Variants in NUDT1 observed in about 807,000 individuals in gnomAD.
The protein encoded by NUDT1 is oxidized purine nucleoside triphosphate hydrolase.
Under a neutral mutation model 11.3 loss-of-function variants are expected in NUDT1, and 16 were observed. The observed-to-expected ratio is 1.41, with a 90% confidence interval of 0.96 to 2.15. NUDT1 has a LOEUF of 2.15. NUDT1 is among the 30% of genes most tolerant of loss of function. The probability of loss-of-function intolerance (pLI) is 0.00; values close to 1 mark genes in which losing one functional copy is unlikely to be tolerated. For missense variants in NUDT1, 234 were observed against 208.4 expected (o/e 1.12, Z -0.76); for synonymous variants, 101 against 84.4 (o/e 1.20, Z -1.08).
In NUDT1 at chr7:2,250,773, T is replaced by C. The variant is rs1687030815; in HGVS notation, c.299-56T>C. On this transcript the variant is annotated intron_variant, in intron 3 of 3. Transcript: ENST00000356714. ...GCGCCCGGCCAAAAAAAACATGTTT[T>C]TTAAGCATGAAGTTTGGGTTGCACC... 9 of 1,610,410 alleles carry C rather than the reference T, an allele frequency of 5.6e-6. 1 individual carries two copies. The South Asian group carries it at 9.9e-5, about 18-fold the overall frequency.
intron 1 of NUDT1, chr7:2,242,930 T>C: frequency 1.4e-6 from 1 of 711,902 alleles, no homozygotes; most frequent in South Asian, 1.5e-5. Context: ...CCTAGGTTTC[T>C]TGCCTTGATG....
chr7:2,248,822 C>G (rs543092461), intron 2 of NUDT1, among the ~76,000 whole-genome samples: 2 of 152,280 alleles, frequency 1.3e-5, no homozygotes, highest in East Asian at 3.9e-4. Context: ...TCCAAAAATG[C>G]TGGGATTACA....
At position 2,250,863 on chromosome 7, in the gene NUDT1, C is replaced by T; in HGVS notation, c.333C>T (p.Ile111=). 6.2e-7 allele frequency: 1 copy of T among 1,614,182 alleles called. No individual in the cohort carries two copies. The highest frequency in any genetic ancestry group is 1.1e-5 in the South Asian group (1 of 91,084). Residue 111 remains isoleucine (I), a synonymous_variant, in exon 4 of 4, where the codon ATC becomes ATT. Transcript: ENST00000356714. ...MRPCWFQLDQ[I]PFKDMWPDDS... ...CATGCTGGTTCCAGCTGGATCAGAT[C>T]CCCTTCAAGGACATGTGGCCCGACG...
At position 2,250,026 on chromosome 7, in the gene NUDT1, C is replaced by T. The variant is rs367895068; in HGVS notation, c.298+24C>T. ...CGGTGAGTCTCACAGGGCCTGCTCC[C>T]CCTCCCCACTATGCGGGTCCCATCT... is the stretch of plus-strand genomic sequence containing the variant. On this transcript the variant is annotated intron_variant, in intron 3 of 3. Transcript: ENST00000356714. 7 of 1,613,128 alleles carry T rather than the reference C, an allele frequency of 4.3e-6. No homozygotes were observed. The African/African-American group carries it at 8.0e-5, about 18-fold the overall frequency.
chr7:2,246,023 G>A (rs779997672), intron 2 of NUDT1, among the ~76,000 whole-genome samples: 12 of 152,304 alleles, frequency 7.9e-5, no homozygotes, highest in East Asian at 1.9e-4. Flanking sequence ...GCTGGGGGCC[G>A]CAGCTGGGGA....
chr7:2,244,397 T>G (rs1314490077), intron 1 of NUDT1, 166 bp from the exon 2 acceptor site: 7 of 637,112 alleles, frequency 1.1e-5, no homozygotes, highest in Admixed American at 6.3e-5. Context: ...TCAATGGCAG[T>G]TTTCCACCTG....
intron 1 of NUDT1, chr7:2,242,962 C>T: frequency 1.4e-6 from 1 of 715,462 alleles, no homozygotes. Context: ...TCAGATCACA[C>T]GGCGGCTTGG....
At chr7:2,250,788 T>G in intron 3 of NUDT1, 41 bp from the exon 4 acceptor site, 2 of 1,613,184 alleles carry the variant, frequency 1.2e-6, no homozygotes, top group Non-Finnish European at 1.7e-6. Context: ...GCATGAAGTT[T>G]GGGTTGCACC....
chr7:2,248,608 G>A (rs1380852869), intron 2 of NUDT1, among the ~76,000 whole-genome samples: 2 of 147,652 alleles, frequency 1.4e-5, no homozygotes, highest in African/African-American at 5.1e-5. Context: ...CTGGAGTGCA[G>A]TGGAGTAATC....
chr7:2,244,733 A>C lies in NUDT1; in HGVS notation c.152+7A>C, dbSNP rs373510380. 3 of 1,605,014 alleles carry C rather than the reference A, an allele frequency of 1.9e-6. No homozygotes were observed. The highest frequency in any genetic ancestry group is 2.5e-6 in the Non-Finnish European group (3 of 1,176,714). On this transcript the variant is annotated splice_region_variant and intron_variant, in intron 2 of 3. Coordinates refer to ENST00000356714, the MANE Select transcript of NUDT1 (RefSeq NM_002452.4). Reference sequence around the variant, plus strand: ...TCGAGGATGGGGCTAGGAGGTAAGGATGGGGCAGGTCTGGCCATAGAACCG... The same window carrying C: ...TCGAGGATGGGGCTAGGAGGTAAGGCTGGGGCAGGTCTGGCCATAGAACCG...
At chr7:2,248,462 G>A (rs545801844) in intron 2 of NUDT1, among the ~76,000 whole-genome samples, 2 of 152,068 alleles carry the variant, frequency 1.3e-5, no homozygotes, top group African/African-American at 2.4e-5. Context: ...TTGAGAAGGC[G>A]GCTGGGTTCC....
At chr7:2,243,950 G>A (rs1274618443) in intron 1 of NUDT1, among the ~76,000 whole-genome samples, 1 of 152,182 alleles carries the variant, frequency 6.6e-6, no homozygotes, top group Non-Finnish European at 1.5e-5. Context: ...AGGTCCCACA[G>A]TAGCCACAGC....
chr7:2,244,690 T>C lies in NUDT1; in HGVS notation c.116T>C (p.Val39Ala). The C allele has an allele frequency of 1.2e-6, 2 of 1,612,932 alleles. No individual in the cohort carries two copies. The highest frequency in any genetic ancestry group is 2.2e-5 in the East Asian group (1 of 44,846). Reference protein sequence around the residue: ...AGRWNGFGGKVQEGETIEDGA... With the variant: ...AGRWNGFGGKAQEGETIEDGA... ...CGGTGGAATGGCTTTGGGGGCAAAGTGCAAGAAGGAGAGACCATCGAGGAT... is the reference window on the plus strand; with the variant it reads ...CGGTGGAATGGCTTTGGGGGCAAAGCGCAAGAAGGAGAGACCATCGAGGAT... Residue 39 changes from valine to alanine, a missense_variant, in exon 2 of 4, where the codon GTG (valine) becomes GCG (alanine). By Grantham distance (64) the Val-to-Ala change is moderately conservative (BLOSUM62 0). Transcript: ENST00000356714.
intron 2 of NUDT1, among the ~76,000 whole-genome samples, chr7:2,247,012 G>C (rs1307998323): frequency 7.0e-6 from 1 of 143,806 alleles, no homozygotes; most frequent in Non-Finnish European, 1.6e-5. Flanking sequence ...ACAGGCTGGT[G>C]CTTAGGGGTC....
intron 1 of NUDT1, chr7:2,243,062 GGAGTCGGGCT>G (rs2115049573): frequency 2.8e-6 from 2 of 715,670 alleles, no homozygotes; most frequent in Non-Finnish European, 5.2e-6. Context: ...ATTTTCCCCT[GGAGTCGGGCT>G]GCTGAGCAGC....
chr7:2,249,811 C>T lies in NUDT1; in HGVS notation c.153-46C>T, dbSNP rs754594234. 9 of 1,605,042 alleles carry T rather than the reference C, an allele frequency of 5.6e-6. No homozygotes were observed. In the South Asian group the frequency reaches 7.7e-5, roughly 14 times the overall value. On this transcript the variant is annotated intron_variant, in intron 2 of 3. Coordinates refer to ENST00000356714, the MANE Select transcript of NUDT1 (RefSeq NM_002452.4). The stretch of plus-strand genomic sequence containing the variant: ...CCTCCCTGCCATCGTGTGGGCATGG[C>T]ACCATGCCCTGACGGCCTCCCTCCC...
At chr7:2,242,747 A>C (rs1176336751) in intron 1 of NUDT1, 1 of 471,774 alleles carries the variant, frequency 2.1e-6, no homozygotes, top group South Asian at 3.5e-5. Flanking sequence ...ACAGACAGGC[A>C]GGCTGAGGGG....
chr7:2,246,391 C>T (rs566305196), intron 2 of NUDT1, among the ~76,000 whole-genome samples: 94 of 152,240 alleles, frequency 6.2e-4, no homozygotes, highest in African/African-American at 2.1e-3. Context: ...GAGGGCCTGA[C>T]GTTGGCTGGG....
intron 3 of NUDT1, among the ~76,000 whole-genome samples, chr7:2,250,319 C>T (rs1168729088): frequency 5.3e-5 from 8 of 152,236 alleles, no homozygotes; most frequent in Admixed American, 2.0e-4. Context: ...GCTGGCCAGA[C>T]GCAGTGGCTC....
Sources: allele counts gnomAD v4.1 joint callset (sites outside exome capture counted in the v4.1 genomes callset), GRCh38; gene constraint gnomAD v4.1.1; transcripts MANE v1.5; gene names NCBI Gene and HGNC (gene_info 2026-07-23, HGNC 2026-07-21).